The following MGA variants were observed in gnomAD, a reference collection of about 807,000 sequenced individuals.
MGA encodes the protein MAX dimerization protein MGA.
MGA carries 40 observed loss-of-function variants against 261.1 expected under a neutral mutation model. The observed-to-expected ratio is 0.15, with a 90% CI of 0.12 to 0.20. The LOEUF is 0.20. Among genes scored for constraint, MGA ranks in the 10% least tolerant of loss-of-function variants. MGA has a pLI of 1.00. For synonymous variants in MGA, 1,302 were observed against 1,290.6 expected, an observed-to-expected ratio of 1.01 and a Z score of -0.19; for missense variants, 3,397 against 3,630.5, an observed-to-expected ratio of 0.94 and a Z score of 1.65.
chr15:41,683,178 A>C (rs899472069), intron 2 of MGA, among the ~76,000 whole-genome samples: 1 of 152,076 alleles, frequency 6.6e-6, no homozygotes, highest in East Asian at 1.9e-4. Context: ...ATGAAATTTC[A>C]GTTATAAACC....
chr15:41,745,281 T>TAAAAAAAAAA (rs71108126), intron 15 of MGA, among the ~76,000 whole-genome samples: 1 of 33,240 alleles, frequency 3.0e-5, no homozygotes, highest in African/African-American at 8.3e-5. Context: ...GAATGATCAA[T>TAAAAAAAAAA]AAAAAAAAAA....
chr15:41,718,344 ATTAT>A (rs915971767), intron 9 of MGA: 242 of 380,496 alleles, frequency 6.4e-4, no homozygotes, highest in African/African-American at 4.6e-3. Flanking sequence ...CATGTATAGT[ATTAT>A]TTAGTTAGGT....
At chr15:41,656,794 T>C (rs1163164368), upstream of MGA, among the ~76,000 whole-genome samples, 6 of 152,030 alleles carry the variant, frequency 3.9e-5, no homozygotes, top group African/African-American at 1.2e-4. Context: ...AGAGACAGGG[T>C]TGGGGGGTAG....
chr15:41,629,100 C>T (rs1317050598), intron 1 of MGA, among the ~76,000 whole-genome samples: 24 of 118,192 alleles, frequency 2.0e-4, no homozygotes, highest in South Asian at 2.7e-4. Context: ...AGCAAGACTT[C>T]GTCTCAAAAA....
At chr15:41,681,673 C>T (rs2058687894) in intron 2 of MGA, among the ~76,000 whole-genome samples, 1 of 152,008 alleles carries the variant, frequency 6.6e-6, no homozygotes, top group African/African-American at 2.4e-5. Flanking sequence ...TGGTCTTGAA[C>T]TCCTGTGCTG....
rs143964069 is a variant in MGA at position 41,624,055 on chromosome 15, C to T, written c.-68+2757C>T. Among the ~76,000 whole-genome samples, 31 of 150,980 alleles carry T rather than the reference C, an allele frequency of 2.1e-4. No homozygotes were observed. In the East Asian group the frequency reaches 3.9e-3, roughly 19 times the overall value. On this transcript the variant is annotated intron_variant, in intron 1 of 8. Coordinates refer to the MGA transcript ENST00000566718. ...TGCTAGGATTATAGGCGTGAGCCACCGAGCCCAGCAAATTAAATTTTTTTT... is the reference window on the plus strand; with the variant it reads ...TGCTAGGATTATAGGCGTGAGCCACTGAGCCCAGCAAATTAAATTTTTTTT...
At chr15:41,729,415 A>G (rs2061396772) in intron 11 of MGA, 66 bp downstream of exon 11, 9 of 1,428,114 alleles carry the variant, frequency 6.3e-6, no homozygotes, top group Non-Finnish European at 8.6e-6. Context: ...TAAGATTTGT[A>G]TTACTATCAG....
At chr15:41,685,123 T>C (rs554342395) in intron 2 of MGA, among the ~76,000 whole-genome samples, 1 of 152,332 alleles carries the variant, frequency 6.6e-6, no homozygotes, top group East Asian at 1.9e-4. Flanking sequence ...TGATCTGTCT[T>C]GAATTATTAA....
At chr15:41,705,744 G>A (rs1364105291) in intron 5 of MGA, among the ~76,000 whole-genome samples, 1 of 152,180 alleles carries the variant, frequency 6.6e-6, no homozygotes, top group African/African-American at 2.4e-5. Context: ...ACTGAATGTG[G>A]TGGATTGGTG....
intron 10 of MGA, among the ~76,000 whole-genome samples, chr15:41,728,731 C>G (rs2061367373): frequency 6.6e-6 from 1 of 152,006 alleles, no homozygotes; most frequent in Non-Finnish European, 1.5e-5. Flanking sequence ...ACAGTTCAAA[C>G]CTGTGTTATT....
intron 2 of MGA, chr15:41,691,758 TAGTTTCCATTGAGTCACTAGTC>T (rs2059299620): frequency 7.3e-6 from 2 of 275,584 alleles, no homozygotes; most frequent in African/African-American, 4.5e-5. Flanking sequence ...CTGACTTACA[TAGTTTCCATTGAGTCACTAGTC>T]AGTCTGTTGT....
intron 5 of MGA, among the ~76,000 whole-genome samples, chr15:41,699,462 G>A (rs1005789544): frequency 6.6e-6 from 1 of 151,730 alleles, no homozygotes; most frequent in Non-Finnish European, 1.5e-5. Context: ...TCCCCTTCCC[G>A]TTTCTCATCT....
chr15:41,712,492 A>G (rs925923318), intron 8 of MGA, among the ~76,000 whole-genome samples: 2 of 152,212 alleles, frequency 1.3e-5, no homozygotes, highest in African/African-American at 4.8e-5. Context: ...TGCTAGGATT[A>G]CAAGCATGAG....
chr15:41,732,390 C>T (rs762446029), intron 11 of MGA, among the ~76,000 whole-genome samples: 6 of 152,164 alleles, frequency 3.9e-5, no homozygotes, highest in African/African-American at 4.8e-5. Flanking sequence ...CGTCGTGATC[C>T]GCGCACCTCA....
chr15:41,705,295 G>T (rs1254712641), intron 5 of MGA, among the ~76,000 whole-genome samples: 1 of 151,658 alleles, frequency 6.6e-6, no homozygotes, highest in Non-Finnish European at 1.5e-5. Flanking sequence ...CTCTCGTAGG[G>T]ACTTATTTAC....
At chr15:41,680,021 C>T (rs994958737) in intron 2 of MGA, among the ~76,000 whole-genome samples, 9 of 152,072 alleles carry the variant, frequency 5.9e-5, no homozygotes, top group African/African-American at 1.7e-4. Flanking sequence ...TGATTGTGTA[C>T]GTGTGTGTAT....
At chr15:41,689,439 T>C (rs2059149662) in intron 2 of MGA, among the ~76,000 whole-genome samples, 1 of 151,812 alleles carries the variant, frequency 6.6e-6, no homozygotes, top group East Asian at 1.9e-4. Flanking sequence ...CCTTCTCTCC[T>C]TAAAAATAAA....
At position 41,719,479 on chromosome 15, in the gene MGA, G is replaced by A. The variant is rs545842699; in HGVS notation, c.3430+5983G>A. On this transcript the variant is annotated intron_variant, in intron 9 of 23. Coordinates refer to ENST00000219905, the MANE Select transcript of MGA (RefSeq NM_001164273.2). ...TACCTGGCCACACGTGGTGGCTCAT[G>A]CCTGTAATCCCAGCACTTCAGGAGG... Among the ~76,000 whole-genome samples the A allele has an allele frequency of 2.0e-5, 3 of 152,286 alleles. No homozygotes were observed. In the South Asian group the frequency reaches 6.2e-4, roughly 32 times the overall value.
At chr15:41,626,318 A>G (rs962769448) in intron 1 of MGA, among the ~76,000 whole-genome samples, 2 of 144,566 alleles carry the variant, frequency 1.4e-5, no homozygotes, top group South Asian at 2.1e-4. Context: ...TGGTCTTTCC[A>G]TGTTGCACAG....
Sources: allele counts gnomAD v4.1 joint callset (sites outside exome capture counted in the v4.1 genomes callset), GRCh38; gene constraint gnomAD v4.1.1; transcripts MANE v1.5; gene names NCBI Gene and HGNC (gene_info 2026-07-23, HGNC 2026-07-21).